MMS22L: variants seen among roughly 807,000 people sequenced by gnomAD.
MMS22L encodes the protein MMS22 like, DNA repair protein.
MMS22L carries 74 observed loss-of-function variants against 159.1 expected under a neutral mutation model. The ratio of observed to expected loss-of-function variants is 0.47; its 90% CI spans 0.39 to 0.56. MMS22L has a LOEUF of 0.56. MMS22L is among the 20% of genes least tolerant of loss of function. MMS22L has a pLI of 0.00. For missense variants in MMS22L, 1,351 were observed against 1,422.1 expected (o/e 0.95, Z 0.80); for synonymous variants, 517 against 506.9 (o/e 1.02, Z -0.27).
chr6:97,175,194 C>T (rs1273412698), intron 18 of MMS22L, among the ~76,000 whole-genome samples: 1 of 152,060 alleles, frequency 6.6e-6, no homozygotes, highest in African/African-American at 2.4e-5. Flanking sequence ...GACTATTTCC[C>T]AAACAAAAAA....
intron 14 of MMS22L, among the ~76,000 whole-genome samples, chr6:97,196,334 A>G (rs753910076): frequency 3.4e-4 from 52 of 152,296 alleles, no homozygotes; most frequent in Non-Finnish European, 5.3e-4. Flanking sequence ...ATAGAGTTGC[A>G]GAAAGTTAAA....
At chr6:97,281,768 A>G (rs377452728) in intron 2 of MMS22L, among the ~76,000 whole-genome samples, 11 of 152,342 alleles carry the variant, frequency 7.2e-5, no homozygotes, top group African/African-American at 2.6e-4. Flanking sequence ...GATTTCTAAC[A>G]AGGTACAACT....
At position 97,146,846 on chromosome 6, in the gene MMS22L, C is replaced by G. The variant is rs1800946671; in HGVS notation, c.3692G>C (p.Gly1231Ala). 4 of 1,573,864 alleles carry G rather than the reference C, an allele frequency of 2.5e-6. No homozygotes were observed. The East Asian group carries it at 7.0e-5, about 28-fold the overall frequency. ...SKLLSHLGQM[G>A]QDEMQRLEND... ...TTCCAGTCTCTGCATCTCATCTTGT[C>G]CCATCTGTCCAAGGTGAGACAAAAG... Residue 1231 changes from glycine to alanine, a missense_variant, in exon 25 of 25, where the codon GGA (glycine) becomes GCA (alanine). Gly to Ala is a moderately conservative substitution (Grantham distance 60). Transcript: ENST00000683635.
At chr6:97,160,430 A>G (rs1398801379) in intron 22 of MMS22L, among the ~76,000 whole-genome samples, 1 of 152,036 alleles carries the variant, frequency 6.6e-6, no homozygotes, top group Non-Finnish European at 1.5e-5. Context: ...TGTGAATGCT[A>G]TCCCACTGTC....
At chr6:97,160,360 G>C (rs1334724270) in intron 22 of MMS22L, among the ~76,000 whole-genome samples, 1 of 151,962 alleles carries the variant, frequency 6.6e-6, no homozygotes, top group Non-Finnish European at 1.5e-5. Context: ...TTGAAAGGTA[G>C]CTTTGCTGAA....
chr6:97,165,579 G>C (rs1207222328), intron 20 of MMS22L, 122 bp from the exon 21 acceptor site: 2 of 793,864 alleles, frequency 2.5e-6, no homozygotes, highest in African/African-American at 3.5e-5. Flanking sequence ...AATCAAAAAG[G>C]ATACCTCACG....
In MMS22L at chr6:97,144,865, C is replaced by T. The variant is rs1453041061; in HGVS notation, c.*1941G>A. Reference sequence around the variant, plus strand: ...CATATTGTTACACACTTTGTTGTTACCATTCTTAAGTACAAATTTTAGTTA... The same window carrying T: ...CATATTGTTACACACTTTGTTGTTATCATTCTTAAGTACAAATTTTAGTTA... On this transcript the variant is annotated 3_prime_UTR_variant, in exon 25 of 25. Transcript: ENST00000683635. The T allele has an allele frequency of 6.6e-6, 1 of 151,854 alleles. No homozygotes were observed. The highest frequency in any genetic ancestry group is 1.5e-5 in the Non-Finnish European group (1 of 67,962). The allele number at this position is 151,854 out of a possible 1,614,324, so 9.4% of individuals were successfully genotyped here. A position where few individuals can be genotyped will look rare whatever the true frequency, so the allele number is the denominator to read the frequency against.
intron 16 of MMS22L, among the ~76,000 whole-genome samples, chr6:97,181,323 C>T (rs1804683640): frequency 6.6e-6 from 1 of 152,130 alleles, no homozygotes; most frequent in Non-Finnish European, 1.5e-5. Flanking sequence ...CCACTCTACA[C>T]TATTTCTATT....
chr6:97,218,056 C>T (rs542231220), intron 14 of MMS22L, among the ~76,000 whole-genome samples: 2 of 152,210 alleles, frequency 1.3e-5, no homozygotes, highest in South Asian at 4.2e-4. Flanking sequence ...ACTTGCTGCA[C>T]CTGTTTCCAT....
At chr6:97,279,651 G>A (rs771399019) in intron 3 of MMS22L, among the ~76,000 whole-genome samples, 2 of 151,866 alleles carry the variant, frequency 1.3e-5, no homozygotes, top group African/African-American at 2.4e-5. Flanking sequence ...GCCGGGCGTG[G>A]TGGGGGGACC....
chr6:97,168,245 CAAAG>C lies in MMS22L; in HGVS notation c.2840-9_2840-6del. ...CCCATGATTTCACAAGAATTCCTAACAAAGAAGAGAAGTAACAGCATGTTGTTGT... is the reference window on the plus strand; with the variant it reads ...CCCATGATTTCACAAGAATTCCTAACAAGAGAAGTAACAGCATGTTGTTGT... On this transcript the variant is annotated splice_region_variant and splice_polypyrimidine_tract_variant and intron_variant, in intron 19 of 24. Coordinates refer to ENST00000683635, the MANE Select transcript of MMS22L (RefSeq NM_001350599.2). 1 of 1,611,592 alleles carries C rather than the reference CAAAG, an allele frequency of 6.2e-7. No homozygotes were observed. The highest frequency in any genetic ancestry group is 1.1e-5 in the South Asian group (1 of 90,772).
intron 11 of MMS22L, among the ~76,000 whole-genome samples, chr6:97,244,277 A>G (rs1037658369): frequency 3.9e-5 from 6 of 152,214 alleles, no homozygotes; most frequent in East Asian, 3.9e-4. Context: ...AATCACCTGC[A>G]TAAGTATTCA....
intron 21 of MMS22L, 98 bp downstream of exon 21, chr6:97,165,148 T>C: frequency 1.0e-6 from 1 of 971,632 alleles, no homozygotes; most frequent in Non-Finnish European, 1.6e-6. Context: ...GAACTACTAG[T>C]ATCCTAAGGG....
chr6:97,254,549 A>C lies in MMS22L; in HGVS notation c.1119+8T>G. On this transcript the variant is annotated splice_region_variant and intron_variant, in intron 10 of 24. Coordinates refer to ENST00000683635, the MANE Select transcript of MMS22L (RefSeq NM_001350599.2). Reference sequence around the variant, plus strand: ...ATATAAGAAAGTTTTTAAAAAATGAAGTCTTACCATTTCATCTGGTACTCC... The same window carrying C: ...ATATAAGAAAGTTTTTAAAAAATGACGTCTTACCATTTCATCTGGTACTCC... 6.2e-7 allele frequency: 1 copy of C among 1,609,050 alleles called. No individual in the cohort carries two copies.
chr6:97,183,131 T>C (rs1447352996), intron 15 of MMS22L, among the ~76,000 whole-genome samples: 1 of 152,110 alleles, frequency 6.6e-6, no homozygotes, highest in Non-Finnish European at 1.5e-5. Flanking sequence ...ACCCCAATTT[T>C]TGACTCCAAA....
At chr6:97,185,364 A>G (rs565559984) in intron 15 of MMS22L, among the ~76,000 whole-genome samples, 38 of 152,244 alleles carry the variant, frequency 2.5e-4, no homozygotes, top group African/African-American at 8.7e-4. Flanking sequence ...CTCCTAAACT[A>G]TCAAGTCTTT....
intron 14 of MMS22L, among the ~76,000 whole-genome samples, chr6:97,225,907 C>T (rs1190711543): frequency 6.6e-6 from 1 of 152,108 alleles, no homozygotes; most frequent in African/African-American, 2.4e-5. Context: ...TAAATACACT[C>T]CATACAATGA....
At chr6:97,168,910 A>G (rs1424688538) in intron 19 of MMS22L, among the ~76,000 whole-genome samples, 1 of 152,088 alleles carries the variant, frequency 6.6e-6, no homozygotes, top group Non-Finnish European at 1.5e-5. Flanking sequence ...TATGCATACT[A>G]ATTTTCCCTG....
Position 97,146,828 on chromosome 6 carries a change from C to T in MMS22L, c.3710G>A (p.Arg1237Lys), listed in dbSNP as rs756581491. ...ATATTAAGTATTATCATTTTCCAGT[C>T]TCTGCATCTCATCTTGTCCCATCTG... The part of the protein sequence containing the change: ...LGQMGQDEMQ[R>K]LENDNT Residue 1237 changes from arginine to lysine, a missense_variant, in exon 25 of 25, where the codon AGA (arginine) becomes AAA (lysine). Arg to Lys is a conservative substitution (Grantham distance 26, BLOSUM62 2). Coordinates refer to ENST00000683635, the MANE Select transcript of MMS22L (RefSeq NM_001350599.2). The T allele has an allele frequency of 6.3e-7, 1 of 1,574,898 alleles. No homozygotes were observed. The highest frequency in any genetic ancestry group is 2.0e-5 in the Admixed American group (1 of 49,822).
Sources: allele counts gnomAD v4.1 joint callset (sites outside exome capture counted in the v4.1 genomes callset), GRCh38; gene constraint gnomAD v4.1.1; transcripts MANE v1.5; gene names NCBI Gene and HGNC (gene_info 2026-07-23, HGNC 2026-07-21).